The following PDCD2L variants were observed in gnomAD, a reference collection of about 807,000 sequenced individuals.
PDCD2L encodes the protein programmed cell death 2 like.
Under a neutral mutation model 40.4 loss-of-function variants are expected in PDCD2L, and 44 were observed. The ratio of observed to expected loss-of-function variants is 1.09; its 90% confidence interval spans 0.86 to 1.40. The LOEUF (loss-of-function observed/expected upper bound fraction) is 1.40. PDCD2L is among the 40% of genes most tolerant of loss of function. The probability of loss-of-function intolerance (pLI) is 0.00; values close to 1 mark genes in which losing one functional copy is unlikely to be tolerated. For missense variants in PDCD2L, 470 were observed against 453.7 expected, an observed-to-expected ratio of 1.04 and a Z score of -0.33; for synonymous variants, 194 against 174.6, an observed-to-expected ratio of 1.11 and a Z score of -0.88.
intron 5 of PDCD2L, among the ~76,000 whole-genome samples, chr19:34,416,358 C>T (rs919141632): frequency 6.6e-6 from 1 of 152,094 alleles, no homozygotes; most frequent in African/African-American, 2.4e-5. Context: ...TAGGAAAGGA[C>T]GGGGATTGCC....
intron 5 of PDCD2L, among the ~76,000 whole-genome samples, chr19:34,417,124 A>G (rs1188169364): frequency 1.3e-5 from 2 of 152,090 alleles, no homozygotes; most frequent in Non-Finnish European, 2.9e-5. Flanking sequence ...AAAAAATAAA[A>G]TAAAATAAAA....
Position 34,426,096 on chromosome 19 carries a change from C to T in PDCD2L, c.1053C>T (p.Asp351=). Residue 351 remains aspartate, a synonymous_variant, in exon 7 of 7, where the codon GAC becomes GAT. Transcript: ENST00000246535. ...PMEEFCIIQE[D]PDELLFK ...AAGAATTTTGTATTATACAAGAAGA[C>T]CCAGATGAATTATTGTTTAAGTAGA... 6.3e-7 allele frequency: 1 copy of T among 1,584,510 alleles called. No homozygotes were observed. The highest frequency in any genetic ancestry group is 8.7e-7 in the Non-Finnish European group (1 of 1,153,854).
chr19:34,408,183 C>T (rs2075085770), intron 3 of PDCD2L, among the ~76,000 whole-genome samples: 1 of 152,206 alleles, frequency 6.6e-6, no homozygotes, highest in South Asian at 2.1e-4. Context: ...GCTGGGATTA[C>T]AGGCGTGAGA....
intron 5 of PDCD2L, among the ~76,000 whole-genome samples, chr19:34,417,764 T>C (rs992788543): frequency 6.6e-6 from 1 of 152,190 alleles, no homozygotes; most frequent in Non-Finnish European, 1.5e-5. Flanking sequence ...TTGATAAATA[T>C]ATTTACTATG....
intron 5 of PDCD2L, among the ~76,000 whole-genome samples, chr19:34,420,622 T>C (rs920230422): frequency 4.0e-5 from 6 of 151,658 alleles, no homozygotes; most frequent in African/African-American, 1.5e-4. Context: ...ACCCTGTCTC[T>C]ACAAATTTTT....
At position 34,421,490 on chromosome 19, in the gene PDCD2L, A is replaced by T. The variant is rs771126453; in HGVS notation, c.798-29A>T. The T allele has an allele frequency of 3.5e-5, 56 of 1,612,064 alleles. 1 individual carries two copies. Among genetic ancestry groups the T allele is most frequent in the Non-Finnish European group, 4.7e-5 (55 of 1,178,832 alleles). On this transcript the variant is annotated intron_variant, in intron 5 of 6. Coordinates refer to ENST00000246535, the MANE Select transcript of PDCD2L (RefSeq NM_032346.2). The stretch of plus-strand genomic sequence containing the variant: ...CTAGAATGCGACTTGTGTGGCTCTG[A>T]TTCGGGGTTCTTTGTTTCCTTGTCC...
In PDCD2L at chr19:34,408,169, A is replaced by C. The variant is rs796617786; in HGVS notation, c.337-992A>C. Among the ~76,000 whole-genome samples the C allele has an allele frequency of 2.0e-4, 31 of 152,206 alleles. 1 individual carries two copies. Among genetic ancestry groups the C allele is most frequent in the African/African-American group, 6.7e-4 (28 of 41,534 alleles). ...ACAGTCCGCCCACCTCAACCTCCCA[A>C]AATGCTGGGATTACAGGCGTGAGAC... is the stretch of plus-strand genomic sequence containing the variant. On this transcript the variant is annotated intron_variant, in intron 3 of 6. Coordinates refer to ENST00000246535, the MANE Select transcript of PDCD2L (RefSeq NM_032346.2).
chr19:34,411,314 A>G (rs1382384991), intron 4 of PDCD2L, among the ~76,000 whole-genome samples: 1 of 143,148 alleles, frequency 7.0e-6, no homozygotes, highest in African/African-American at 2.6e-5. Context: ...TTCTCGGCTC[A>G]CTGCAACCTC....
At chr19:34,411,804 G>A (rs551174062) in intron 4 of PDCD2L, among the ~76,000 whole-genome samples, 2 of 151,326 alleles carry the variant, frequency 1.3e-5, no homozygotes, top group African/African-American at 4.8e-5. Context: ...ACAGGTACCC[G>A]CCACCACACC....
chr19:34,412,842 G>T (rs2075110184), intron 4 of PDCD2L, among the ~76,000 whole-genome samples: 1 of 151,512 alleles, frequency 6.6e-6, no homozygotes, highest in South Asian at 2.1e-4. Context: ...TGTGCTCACG[G>T]CTCACCACAG....
chr19:34,404,757 C>G lies in PDCD2L; in HGVS notation c.217C>G (p.Arg73Gly). Reference sequence around the variant, plus strand: ...CCCGCTGGAAGGCTCCCCGTTTCACCGTCTGCTGCACGTGTTCGCGTGCGC... The same window carrying G: ...CCCGCTGGAAGGCTCCCCGTTTCACGGTCTGCTGCACGTGTTCGCGTGCGC... ...YCPLEGSPFH[R>G]LLHVFACACP... The change falls in exon 2 of 7, where the codon CGT becomes GGT. Residue 73 changes from arginine (R) to glycine (G), a missense_variant. By Grantham distance (125) the Arg-to-Gly change is moderately radical. Transcript: ENST00000246535. The G allele has an allele frequency of 6.2e-7, 1 of 1,611,214 alleles. No homozygotes were observed. Among genetic ancestry groups the G allele is most frequent in the Non-Finnish European group, 8.5e-7 (1 of 1,179,508 alleles).
intron 5 of PDCD2L, among the ~76,000 whole-genome samples, chr19:34,416,454 T>A (rs1358797679): frequency 6.6e-6 from 1 of 152,188 alleles, no homozygotes; most frequent in Non-Finnish European, 1.5e-5. Flanking sequence ...GAGTGGGATC[T>A]TTCTCAACAT....
In PDCD2L at chr19:34,410,683, A is replaced by C. The variant is rs961389571; in HGVS notation, c.686+1173A>C. On this transcript the variant is annotated intron_variant, in intron 4 of 6. Transcript: ENST00000246535. ...ATTTGTAGGCTTTTTCAGAATAATG[A>C]TGAAGGGGAATGCATGAAGACATGT... 3.9e-5 allele frequency among the ~76,000 whole-genome samples: 6 copies of C among 152,124 alleles called. 1 individual carries two copies. The highest frequency in any genetic ancestry group is 2.4e-5 in the African/African-American group (1 of 41,424).
chr19:34,404,565 C>G (rs752949592), intron 1 of PDCD2L, 27 bp downstream of exon 1: 10 of 1,566,148 alleles, frequency 6.4e-6, no homozygotes, highest in South Asian at 2.3e-5. Context: ...GAGCTGGGGT[C>G]GATGGGTGCT....
At chr19:34,418,320 C>T (rs2075134820) in intron 5 of PDCD2L, among the ~76,000 whole-genome samples, 1 of 152,220 alleles carries the variant, frequency 6.6e-6, no homozygotes, top group Non-Finnish European at 1.5e-5. Flanking sequence ...AGTCCCCAGG[C>T]AACCGCCAAT....
At chr19:34,405,703 C>G (rs2145455722) in intron 3 of PDCD2L, among the ~76,000 whole-genome samples, 1 of 151,288 alleles carries the variant, frequency 6.6e-6, no homozygotes, top group East Asian at 2.0e-4. Context: ...AAGTTCGAGA[C>G]CAGCCTGGCC....
At chr19:34,417,950 C>T (rs998116210) in intron 5 of PDCD2L, among the ~76,000 whole-genome samples, 3 of 152,106 alleles carry the variant, frequency 2.0e-5, no homozygotes, top group East Asian at 1.9e-4. Flanking sequence ...TTAAAAATAT[C>T]GTCAGTCTTT....
At chr19:34,418,988 T>C (rs1029896926) in intron 5 of PDCD2L, among the ~76,000 whole-genome samples, 1 of 152,232 alleles carries the variant, frequency 6.6e-6, no homozygotes, top group Non-Finnish European at 1.5e-5. Flanking sequence ...ATTCTTCATA[T>C]GGTCAAGAGT....
chr19:34,422,808 C>T (rs1354094831), intron 6 of PDCD2L, among the ~76,000 whole-genome samples: 1 of 151,946 alleles, frequency 6.6e-6, no homozygotes, highest in African/African-American at 2.4e-5. Flanking sequence ...CTCCGCCTCC[C>T]GGGTTCATGC....
Sources: allele counts gnomAD v4.1 joint callset (sites outside exome capture counted in the v4.1 genomes callset), GRCh38; gene constraint gnomAD v4.1.1; transcripts MANE v1.5; gene names NCBI Gene and HGNC (gene_info 2026-07-23, HGNC 2026-07-21).